H3-7: variants seen among roughly 807,000 people sequenced by gnomAD.
H3-7 encodes H3.7 histone (putative), also known as histone H3-7.
chr1:143,904,589 C>T, the H3-7 span: 6 of 1,593,520 alleles, frequency 3.8e-6, no homozygotes, highest in Non-Finnish European at 3.4e-6. Flanking sequence ...GAGCGGATTT[C>T]GCTGGATCCG....
the H3-7 span, chr1:143,905,838 C>A: frequency 8.8e-6 from 14 of 1,582,100 alleles, no homozygotes; most frequent in Admixed American, 2.4e-4. Context: ...CGGTGCCGGG[C>A]CGGTAGCGGT....
chr1:143,904,809 T>A, the H3-7 span, among the ~76,000 whole-genome samples: 1 of 146,282 alleles, frequency 6.8e-6, no homozygotes, highest in African/African-American at 2.5e-5. Context: ...TAATGGTCAC[T>A]GTAACAAAAG....
At chr1:143,904,594 G>C in the H3-7 span, 3 of 1,590,494 alleles carry the variant, frequency 1.9e-6, no homozygotes, top group African/African-American at 2.7e-5. Context: ...GATTTCGCTG[G>C]ATCCGGCATT....
chr1:143,905,516 T>A, the H3-7 span: 1 of 1,419,866 alleles, frequency 7.0e-7, no homozygotes, highest in Non-Finnish European at 9.8e-7. Context: ...CGGCAGTGGC[T>A]CTGAAAAGAG....
At chr1:143,904,368 G>A in the H3-7 span, 1 of 1,582,814 alleles carries the variant, frequency 6.3e-7, no homozygotes, top group East Asian at 2.3e-5. Context: ...CGCCAGGCGG[G>A]ACGCCTCTCC....
chr1:143,905,463 C>A, the H3-7 span: 4 of 985,086 alleles, frequency 4.1e-6, 1 homozygote, highest in African/African-American at 4.9e-5. Flanking sequence ...GCAAGGCAGA[C>A]GCACATCAGA....
At chr1:143,904,195 G>A in the H3-7 span, 1,668 of 1,472,808 alleles carry the variant, frequency 1.1e-3, 92 homozygotes, top group East Asian at 0.033. Flanking sequence ...GGGTTAGGTG[G>A]TTGATCTATT....
the H3-7 span, chr1:143,905,780 T>C: frequency 1.7e-5 from 27 of 1,582,126 alleles, 2 homozygotes; most frequent in Non-Finnish European, 1.8e-5. Flanking sequence ...AGCTTGCGGA[T>C]CAGCAGCTCC....
chr1:143,905,802 A>G, the H3-7 span: 1,854 of 1,579,238 alleles, frequency 1.2e-3, 261 homozygotes, highest in Middle Eastern at 1.9e-3. Context: ...TAGACTTCTG[A>G]TAGCGCCGGA....
chr1:143,905,836 G>A, the H3-7 span: 9 of 1,581,960 alleles, frequency 5.7e-6, 1 homozygote, highest in South Asian at 1.0e-4. Flanking sequence ...CACGGTGCCG[G>A]GCCGGTAGCG....
At chr1:143,904,513 T>A in the H3-7 span, 1 of 1,605,710 alleles carries the variant, frequency 6.2e-7, no homozygotes, top group South Asian at 1.1e-5. Flanking sequence ...CGGCTGCGCT[T>A]GCGCTTCTCG....
chr1:143,905,789 C>A, the H3-7 span: 25 of 1,582,020 alleles, frequency 1.6e-5, 3 homozygotes, highest in Admixed American at 3.0e-4. Flanking sequence ...ATCAGCAGCT[C>A]CGTAGACTTC....
chr1:143,904,209 TC>T, the H3-7 span: 1 of 1,528,250 alleles, frequency 6.5e-7, no homozygotes, highest in African/African-American at 1.4e-5. Flanking sequence ...ATCTATTGCG[TC>T]CCTTGCACAC....
the H3-7 span, chr1:143,904,123 G>C: frequency 5.4e-6 from 5 of 923,482 alleles, 1 homozygote; most frequent in East Asian, 5.4e-5. Context: ...GCTATCAAAC[G>C]CTCTGACAAG....
the H3-7 span, chr1:143,904,323 T>A: frequency 1.3e-6 from 2 of 1,582,514 alleles, no homozygotes; most frequent in Non-Finnish European, 1.7e-6. Flanking sequence ...CGTCTGGATC[T>A]CGCGGGACGT....
the H3-7 span, chr1:143,904,662 G>T: frequency 1.3e-6 from 2 of 1,535,494 alleles, 1 homozygote; most frequent in Middle Eastern, 3.4e-4. Context: ...CCGCAAAACG[G>T]GCTGGTTATG....
At chr1:143,902,886 C>A in the H3-7 span, among the ~76,000 whole-genome samples, 88 of 145,302 alleles carry the variant, frequency 6.1e-4, 4 homozygotes, top group African/African-American at 2.2e-3. Context: ...AGAGAAGCAC[C>A]TGGAAGCAGG....
the H3-7 span, chr1:143,905,893 G>A: frequency 4.4e-6 from 7 of 1,580,052 alleles, no homozygotes; most frequent in Middle Eastern, 3.5e-4. Flanking sequence ...CTTGCGGGCC[G>A]CTTTGGTAGC....
chr1:143,903,069 G>A, the H3-7 span, among the ~76,000 whole-genome samples: 1 of 137,896 alleles, frequency 7.3e-6, no homozygotes, highest in Non-Finnish European at 1.6e-5. Flanking sequence ...GCGGACGCCT[G>A]TAGTCCCAGC....
Sources: gnomAD v4.1 joint callset for allele counts (sites outside exome capture counted in the v4.1 genomes callset) on GRCh38, gnomAD v4.1.1 for gene constraint, MANE v1.5 for transcripts, NCBI Gene and HGNC (gene_info 2026-07-23, HGNC 2026-07-21) for gene names.